CDH13: variants seen among roughly 807,000 people sequenced by gnomAD.
CDH13 encodes cadherin 13.
A neutral mutation model predicts 63.8 loss-of-function variants in CDH13; 24 were observed. The ratio of observed to expected loss-of-function variants is 0.38; its 90% CI spans 0.27 to 0.53. CDH13 has a LOEUF of 0.53. CDH13 is among the 20% of genes least tolerant of loss of function. The pLI is 0.85. For synonymous variants in CDH13, 503 were observed against 355.3 expected, an observed-to-expected ratio of 1.42 and a Z score of -4.67; for missense variants, 1,049 against 903.1, an observed-to-expected ratio of 1.16 and a Z score of -2.07.
At chr16:82,998,362 T>G (rs112760331) in intron 2 of CDH13, among the ~76,000 whole-genome samples, 5 of 152,344 alleles carry the variant, frequency 3.3e-5, no homozygotes, top group African/African-American at 1.2e-4. Context: ...ATTTCCAACT[T>G]TCATAAATAA....
chr16:83,583,101 T>C (rs1473169786), intron 7 of CDH13, among the ~76,000 whole-genome samples: 1 of 152,156 alleles, frequency 6.6e-6, no homozygotes. Context: ...AGGCCCCAGT[T>C]CCTTAGTTTC....
At chr16:83,145,847 C>T (rs942584855) in intron 4 of CDH13, among the ~76,000 whole-genome samples, 2 of 152,082 alleles carry the variant, frequency 1.3e-5, no homozygotes, top group Non-Finnish European at 2.9e-5. Flanking sequence ...GTAGAATGAT[C>T]AGAGATCTCT....
chr16:83,014,073 A>G (rs1264123209), intron 2 of CDH13, among the ~76,000 whole-genome samples: 1 of 151,322 alleles, frequency 6.6e-6, no homozygotes, highest in South Asian at 2.1e-4. Flanking sequence ...CTGATAAGGA[A>G]AAAAGCAAAA....
At chr16:83,482,757 C>T (rs767057111) in intron 6 of CDH13, among the ~76,000 whole-genome samples, 5 of 152,156 alleles carry the variant, frequency 3.3e-5, no homozygotes, top group African/African-American at 4.8e-5. Context: ...TGTGTGTGCA[C>T]GTGTGTGTGT....
chr16:83,033,098 G>T (rs190137890), intron 3 of CDH13, among the ~76,000 whole-genome samples: 66 of 152,144 alleles, frequency 4.3e-4, no homozygotes, highest in African/African-American at 1.5e-3. Context: ...ATGTGTATAT[G>T]TACACATACA....
rs137920278 is a variant in CDH13 at position 83,552,727 on chromosome 16, G to C, written c.961-49727G>C. On this transcript the variant is annotated intron_variant, in intron 7 of 13. Transcript: ENST00000567109. ...GAAAGAATGTTGAAACCTGGCAAAA[G>C]AGATTACTGCATTTCAGGGGAAAGA... Among the ~76,000 whole-genome samples, 203 of 152,276 alleles carry C rather than the reference G, an allele frequency of 1.3e-3. 1 individual carries two copies. The highest frequency in any genetic ancestry group is 4.5e-3 in the African/African-American group (189 of 41,558).
At chr16:83,153,409 C>G (rs1242955844) in intron 4 of CDH13, among the ~76,000 whole-genome samples, 2 of 152,142 alleles carry the variant, frequency 1.3e-5, no homozygotes, top group Non-Finnish European at 2.9e-5. Context: ...GGGTCAGTAT[C>G]TTACAGCCTC....
intron 1 of CDH13, among the ~76,000 whole-genome samples, chr16:82,662,886 GTGTC>G (rs58598921): frequency 0.15 from 22,153 of 152,136 alleles, 1,744 homozygotes; most frequent in Middle Eastern, 0.19. Context: ...GCATGCCTGT[GTGTC>G]TGGTACCCTT....
intron 1 of CDH13, among the ~76,000 whole-genome samples, chr16:82,723,425 C>A (rs1015767564): frequency 1.3e-5 from 2 of 152,136 alleles, no homozygotes; most frequent in African/African-American, 4.8e-5. Flanking sequence ...ATTCCCCAGC[C>A]TCCCTTAAGT....
chr16:82,661,096 G>A lies in CDH13; in HGVS notation c.45+33959G>A, dbSNP rs372304298. On this transcript the variant is annotated intron_variant, in intron 1 of 13. Coordinates refer to ENST00000567109, the MANE Select transcript of CDH13 (RefSeq NM_001257.5). ...AGAGAGTGATGGTGGCCCAGGGGCC[G>A]GTGTGATGTTTCATGCTGGAGGGAT... is the stretch of plus-strand genomic sequence containing the variant. Among the ~76,000 whole-genome samples, 64 of 152,294 alleles carry A rather than the reference G, an allele frequency of 4.2e-4. 2 individuals are homozygous for A. In the South Asian group the frequency reaches 0.013, roughly 32 times the overall value.
intron 2 of CDH13, among the ~76,000 whole-genome samples, chr16:82,898,868 A>T (rs965020156): frequency 6.6e-6 from 1 of 152,200 alleles, no homozygotes; most frequent in Non-Finnish European, 1.5e-5. Context: ...GCAGTTTAGC[A>T]TTTTTATTTA....
At chr16:83,364,250 C>T (rs1410216442) in intron 6 of CDH13, among the ~76,000 whole-genome samples, 2 of 152,122 alleles carry the variant, frequency 1.3e-5, no homozygotes, top group Middle Eastern at 6.8e-3. Flanking sequence ...AGATTTTCTG[C>T]CTGTGGATCT....
At chr16:82,874,965 G>T (rs1450002311) in intron 2 of CDH13, among the ~76,000 whole-genome samples, 3 of 152,206 alleles carry the variant, frequency 2.0e-5, no homozygotes, top group African/African-American at 4.8e-5. Context: ...TTGTCCAAAA[G>T]GGACATGGAG....
intron 6 of CDH13, among the ~76,000 whole-genome samples, chr16:83,402,239 C>T (rs546953790): frequency 8.5e-5 from 13 of 152,266 alleles, no homozygotes; most frequent in Admixed American, 5.2e-4. Flanking sequence ...AACTGTCTGG[C>T]TCCCGGAGCG....
At chr16:82,679,011 G>A (rs140588187) in intron 1 of CDH13, among the ~76,000 whole-genome samples, 2 of 152,210 alleles carry the variant, frequency 1.3e-5, no homozygotes, top group Non-Finnish European at 2.9e-5. Flanking sequence ...GTTGATCACC[G>A]CTGTGGGCAG....
At chr16:82,627,331 G>GGCGTGCGT (rs4060537) in intron 1 of CDH13, among the ~76,000 whole-genome samples, 194 bp downstream of exon 1, 20 of 129,204 alleles carry the variant, frequency 1.5e-4, no homozygotes, top group African/African-American at 4.6e-4. Flanking sequence ...CTCCCACTCT[G>GGCGTGCGT]GCGTGCGTGT....
chr16:82,682,371 AAC>A (rs1914640887), intron 1 of CDH13, among the ~76,000 whole-genome samples: 1 of 152,284 alleles, frequency 6.6e-6, no homozygotes, highest in African/African-American at 2.4e-5. Flanking sequence ...TTCATTGAAA[AAC>A]ACTGGACACT....
intron 7 of CDH13, among the ~76,000 whole-genome samples, chr16:83,512,667 CAAT>C (rs147859131): frequency 0.064 from 9,454 of 148,754 alleles, 344 homozygotes; most frequent in Middle Eastern, 0.15. Context: ...GACTCCGTCT[CAAT>C]AATAATAATA....
intron 1 of CDH13, among the ~76,000 whole-genome samples, chr16:82,647,676 C>T (rs900970768): frequency 6.6e-6 from 1 of 152,202 alleles, no homozygotes; most frequent in African/African-American, 2.4e-5. Flanking sequence ...TTTGAGACTA[C>T]TGGACTACTC....
Sources: gnomAD v4.1 joint callset for allele counts (sites outside exome capture counted in the v4.1 genomes callset) on GRCh38, gnomAD v4.1.1 for gene constraint, MANE v1.5 for transcripts, NCBI Gene and HGNC (gene_info 2026-07-23, HGNC 2026-07-21) for gene names.